KCNN3: variants seen among roughly 807,000 people sequenced by gnomAD.
KCNN3 encodes the protein small conductance calcium-activated potassium channel protein 3.
In KCNN3, 16 loss-of-function variants were observed where a neutral mutation model predicts 62.9. That is an observed-to-expected ratio of 0.25 (90% CI 0.17 to 0.39). KCNN3 has a LOEUF of 0.39. Ranked by LOEUF, KCNN3 falls within the 10% of genes least tolerant of loss-of-function variation. KCNN3 has a pLI of 1.00. For synonymous variants in KCNN3, 370 were observed against 389.2 expected (o/e 0.95, Z 0.58); for missense variants, 599 against 949.4 (o/e 0.63, Z 4.85).
chr1:154,870,179 A>T lies in KCNN3; in HGVS notation c.-215T>A, dbSNP rs1304540262. 1 of 712,860 alleles carries T rather than the reference A, an allele frequency of 1.4e-6. No homozygotes were observed. The highest frequency in any genetic ancestry group is 2.3e-4 in the Middle Eastern group (1 of 4,364). 44.2% of individuals were successfully genotyped at this position (712,860 alleles called of 1,614,324 possible). A position where few individuals can be genotyped will look rare whatever the true frequency, so the allele number is the denominator to read the frequency against. On this transcript the variant is annotated 5_prime_UTR_variant, in exon 1 of 8. Coordinates refer to ENST00000271915, the MANE Select transcript of KCNN3 (RefSeq NM_002249.6). ...GTATTGGGCAGGGAGGGAGAGCAGG[A>T]GGGGAGCTTGGAGAAAGAAGAGGGG...
intron 2 of KCNN3, among the ~76,000 whole-genome samples, chr1:154,805,396 G>A (rs774203804): frequency 1.3e-5 from 2 of 152,188 alleles, no homozygotes; most frequent in Non-Finnish European, 2.9e-5. Context: ...AATTAAATCA[G>A]AATCCCTAGG....
intron 5 of KCNN3, among the ~76,000 whole-genome samples, chr1:154,719,860 T>C (rs1450890020): frequency 6.6e-6 from 1 of 152,148 alleles, no homozygotes; most frequent in Non-Finnish European, 1.5e-5. Context: ...CAGGCTTCTC[T>C]GCCTGCCTCA....
At chr1:154,725,105 C>A (rs1417627956) in intron 5 of KCNN3, among the ~76,000 whole-genome samples, 1 of 152,172 alleles carries the variant, frequency 6.6e-6, no homozygotes, top group Non-Finnish European at 1.5e-5. Context: ...CCGCCCGCCT[C>A]GGCCTCCCAA....
intron 5 of KCNN3, 21 bp from the exon 6 acceptor site, chr1:154,715,024 T>C (rs1297867660): frequency 6.2e-7 from 1 of 1,613,162 alleles, no homozygotes; most frequent in Admixed American, 1.7e-5. Context: ...ATAAATAAAG[T>C]AGGCTGCTAT....
rs1017264241 is a variant in KCNN3, at chr1:154,869,596, G to A, written c.369C>T (p.Ser123=). Residue 123 remains serine (S), a synonymous_variant, in exon 1 of 8, where the codon TCC becomes TCT. Coordinates refer to ENST00000271915, the MANE Select transcript of KCNN3 (RefSeq NM_002249.6). This position sits in a 1 kb window ranked among gnomAD's most constrained non-coding sequence, Gnocchi z 6.1. ...GATTGAGCTGGCTGCCTTGCCTGGA[G>A]GAAGGGTGGAGGATGGCGGTGGAGT... ...SSNSTAILHP[S]SRQGSQLNLN... is the part of the protein sequence containing the mutation. 1.3e-5 allele frequency: 21 copies of A among 1,614,022 alleles called. No individual in the cohort carries two copies. The highest frequency in any genetic ancestry group is 6.6e-5 in the South Asian group (6 of 91,090).
At chr1:154,757,410 A>C (rs896139865) in intron 3 of KCNN3, among the ~76,000 whole-genome samples, 1 of 152,180 alleles carries the variant, frequency 6.6e-6, no homozygotes, top group Admixed American at 6.5e-5. Flanking sequence ...GGTAGTGGCC[A>C]TGTGGAACAA....
At chr1:154,746,399 G>A (rs1700936251) in intron 3 of KCNN3, among the ~76,000 whole-genome samples, 1 of 152,080 alleles carries the variant, frequency 6.6e-6, no homozygotes, top group Non-Finnish European at 1.5e-5. Flanking sequence ...GGAGAAGCAG[G>A]GCGGGGAAAG....
chr1:154,845,791 G>GC (rs1429209376), intron 1 of KCNN3, among the ~76,000 whole-genome samples: 1 of 152,138 alleles, frequency 6.6e-6, no homozygotes, highest in Non-Finnish European at 1.5e-5. Flanking sequence ...AGATCCTTCT[G>GC]CATGGGCCCC....
intron 2 of KCNN3, among the ~76,000 whole-genome samples, chr1:154,787,374 A>T (rs1250352802): frequency 1.3e-5 from 2 of 152,210 alleles, no homozygotes; most frequent in African/African-American, 4.8e-5. Context: ...GGCAGCCACC[A>T]TCACCACAGC....
intron 1 of KCNN3, among the ~76,000 whole-genome samples, chr1:154,860,462 C>T (rs1041362237): frequency 2.6e-5 from 4 of 152,182 alleles, no homozygotes; most frequent in African/African-American, 9.7e-5. Context: ...TAGCTCTGCC[C>T]AGACCACAAA....
At chr1:154,765,931 G>A (rs905399349) in intron 3 of KCNN3, among the ~76,000 whole-genome samples, 1 of 152,100 alleles carries the variant, frequency 6.6e-6, no homozygotes, top group Non-Finnish European at 1.5e-5. Context: ...ACAGGCGTGA[G>A]CCACTGTGCC....
At chr1:154,715,433 CAAAAAAAA>C (rs68051927) in intron 5 of KCNN3, among the ~76,000 whole-genome samples, 4 of 104,054 alleles carry the variant, frequency 3.8e-5, no homozygotes, top group Admixed American at 2.1e-4. Context: ...AACTCCATCT[CAAAAAAAA>C]AAAAAAAAAG....
Position 154,749,883 on chromosome 1 carries a change from A to G in KCNN3, c.1449-16739T>C, listed in dbSNP as rs533519761. The stretch of plus-strand genomic sequence containing the variant: ...GACTACGGGATGCTCCCGGACCACA[A>G]GCAGCCTGCCCAGGGAGTGCAGCTG... On this transcript the variant is annotated intron_variant, in intron 3 of 7. Coordinates refer to ENST00000271915, the MANE Select transcript of KCNN3 (RefSeq NM_002249.6). Among the ~76,000 whole-genome samples, 52 of 152,298 alleles carry G rather than the reference A, an allele frequency of 3.4e-4. No individual in the cohort carries two copies. The South Asian group carries it at 0.01, about 30-fold the overall frequency.
intron 1 of KCNN3, among the ~76,000 whole-genome samples, chr1:154,829,589 C>T (rs1319761585): frequency 1.3e-5 from 2 of 152,184 alleles, no homozygotes; most frequent in African/African-American, 2.4e-5. Context: ...CCACACTCTC[C>T]TCTCAGTCCC....
At chr1:154,852,369 ATTTTTTT>A (rs34939586) in intron 1 of KCNN3, among the ~76,000 whole-genome samples, 1 of 136,562 alleles carries the variant, frequency 7.3e-6, no homozygotes, top group Non-Finnish European at 1.6e-5. Flanking sequence ...CACCCAGCTA[ATTTTTTT>A]TTTTTTTTTT....
chr1:154,858,079 C>G (rs1652608323), intron 1 of KCNN3, among the ~76,000 whole-genome samples: 1 of 152,178 alleles, frequency 6.6e-6, no homozygotes, highest in South Asian at 2.1e-4. Context: ...GGGATCTTTC[C>G]ATCGCTGGCA....
intron 5 of KCNN3, among the ~76,000 whole-genome samples, chr1:154,722,465 G>A (rs552120500): frequency 1.4e-5 from 2 of 146,980 alleles, no homozygotes; most frequent in South Asian, 2.1e-4. Flanking sequence ...TCGGCTCACT[G>A]CAACTTTCGC....
intron 3 of KCNN3, among the ~76,000 whole-genome samples, chr1:154,766,051 A>C (rs1648255454): frequency 6.6e-6 from 1 of 151,904 alleles, no homozygotes; most frequent in Non-Finnish European, 1.5e-5. Flanking sequence ...TTTTTCTCAA[A>C]GGCCTCCAGC....
chr1:154,781,902 C>T (rs927743717), intron 2 of KCNN3, among the ~76,000 whole-genome samples: 2 of 152,078 alleles, frequency 1.3e-5, no homozygotes, highest in Non-Finnish European at 2.9e-5. Flanking sequence ...GAGAGTGATG[C>T]CTGCCAGGAA....
Sources: allele counts gnomAD v4.1 joint callset (sites outside exome capture counted in the v4.1 genomes callset), GRCh38; gene constraint gnomAD v4.1.1; non-coding constraint Gnocchi (gnomAD v3.1); transcripts MANE v1.5; gene names NCBI Gene and HGNC (gene_info 2026-07-23, HGNC 2026-07-21).